Variants in IQCJ observed in about 807,000 individuals in gnomAD.
IQCJ encodes the protein IQ motif containing J, also known as IQ domain-containing protein J.
IQCJ carries 9 observed loss-of-function variants against 11.0 expected under a neutral mutation model. The ratio of observed to expected loss-of-function variants is 0.82; its 90% CI spans 0.49 to 1.43. IQCJ has a LOEUF of 1.43. Ranked by LOEUF, IQCJ falls within the 40% of genes most tolerant of loss-of-function variation. The pLI is 0.00. For synonymous variants in IQCJ, 55 were observed against 51.3 expected (o/e 1.07, Z -0.31); for missense variants, 146 against 133.2 (o/e 1.10, Z -0.47).
chr3:159,222,827 A>T (rs748601139), intron 1 of IQCJ, among the ~76,000 whole-genome samples: 3 of 152,088 alleles, frequency 2.0e-5, no homozygotes, highest in Non-Finnish European at 4.4e-5. Context: ...ACAATAAAAA[A>T]TTTTCTATAA....
At chr3:159,169,129 T>G (rs1036678561) in intron 1 of IQCJ, among the ~76,000 whole-genome samples, 1 of 152,168 alleles carries the variant, frequency 6.6e-6, no homozygotes, top group East Asian at 1.9e-4. Context: ...TGGTATTCCT[T>G]TCTTATAACT....
intron 1 of IQCJ, among the ~76,000 whole-genome samples, chr3:159,152,307 A>G (rs1469332764): frequency 1.3e-5 from 2 of 152,040 alleles, no homozygotes; most frequent in Non-Finnish European, 2.9e-5. Context: ...GTAAATATTG[A>G]GCTGAAAAAG....
chr3:159,262,009 G>C (rs1413190112), intron 3 of IQCJ, among the ~76,000 whole-genome samples: 1 of 152,154 alleles, frequency 6.6e-6, no homozygotes, highest in Non-Finnish European at 1.5e-5. Context: ...ACTGCATTTG[G>C]CCATGCAGAC....
intron 1 of IQCJ, among the ~76,000 whole-genome samples, chr3:159,102,186 T>C (rs1374989272): frequency 6.6e-6 from 1 of 152,252 alleles, no homozygotes; most frequent in African/African-American, 2.4e-5. Flanking sequence ...AATCTGCTTT[T>C]CATTTCAAAG....
chr3:159,125,835 C>A (rs571122973), intron 1 of IQCJ, among the ~76,000 whole-genome samples: 29 of 152,276 alleles, frequency 1.9e-4, no homozygotes, highest in South Asian at 4.1e-4. Flanking sequence ...TACAGGGGAC[C>A]AACCTGGGGC....
At chr3:159,236,673 C>T (rs532025798) in intron 1 of IQCJ, among the ~76,000 whole-genome samples, 1 of 152,306 alleles carries the variant, frequency 6.6e-6, no homozygotes, top group South Asian at 2.1e-4. Flanking sequence ...ATCAGAATCA[C>T]TTAATGTGGA....
chr3:159,189,201 G>C (rs1020980439), intron 1 of IQCJ, among the ~76,000 whole-genome samples: 2 of 152,098 alleles, frequency 1.3e-5, no homozygotes, highest in Middle Eastern at 3.2e-3. Context: ...TAGTGACTAC[G>C]GGTAACTTGC....
chr3:159,092,070 G>C (rs541422688), intron 1 of IQCJ, among the ~76,000 whole-genome samples: 1 of 151,866 alleles, frequency 6.6e-6, no homozygotes, highest in East Asian at 1.9e-4. Flanking sequence ...GGGGAAATGT[G>C]CCTCTACAGT....
intron 1 of IQCJ, among the ~76,000 whole-genome samples, chr3:159,133,937 A>G (rs1298523988): frequency 6.6e-6 from 1 of 151,696 alleles, no homozygotes. Context: ...CCAGTATGCA[A>G]TCAAGGTATC....
intron 1 of IQCJ, among the ~76,000 whole-genome samples, chr3:159,222,269 A>G (rs1725595591): frequency 6.6e-6 from 1 of 152,152 alleles, no homozygotes; most frequent in Non-Finnish European, 1.5e-5. Flanking sequence ...GAATGGATAA[A>G]GAAATTGTGT....
At chr3:159,095,167 C>G (rs1282760836) in intron 1 of IQCJ, among the ~76,000 whole-genome samples, 1 of 151,810 alleles carries the variant, frequency 6.6e-6, no homozygotes, top group Non-Finnish European at 1.5e-5. Context: ...TACCCTTATA[C>G]CTTAGAAGTT....
intron 2 of IQCJ, among the ~76,000 whole-genome samples, chr3:159,246,331 A>G (rs558870715): frequency 2.0e-5 from 3 of 152,212 alleles, no homozygotes; most frequent in African/African-American, 7.2e-5. Context: ...AAAAGAAGAG[A>G]TGAAATTGAA....
intron 1 of IQCJ, among the ~76,000 whole-genome samples, chr3:159,146,526 G>T (rs995703993): frequency 6.6e-6 from 1 of 152,120 alleles, no homozygotes; most frequent in African/African-American, 2.4e-5. Flanking sequence ...ACACGGGATT[G>T]GTTGCATAGA....
chr3:159,208,822 G>C (rs1724796638), intron 1 of IQCJ, among the ~76,000 whole-genome samples: 1 of 152,138 alleles, frequency 6.6e-6, no homozygotes, highest in Non-Finnish European at 1.5e-5. Flanking sequence ...TCCTGGATTA[G>C]GGAGTATTCT....
At chr3:159,154,855 T>A (rs1248056596) in intron 1 of IQCJ, among the ~76,000 whole-genome samples, 4 of 152,176 alleles carry the variant, frequency 2.6e-5, no homozygotes, top group African/African-American at 9.7e-5. Flanking sequence ...CATCGACTAC[T>A]TTTCTGATTT....
chr3:159,145,828 A>C (rs1188968410), intron 1 of IQCJ, among the ~76,000 whole-genome samples: 1 of 152,244 alleles, frequency 6.6e-6, no homozygotes, highest in African/African-American at 2.4e-5. Context: ...ATATAGGTCA[A>C]AGTGAGATGC....
chr3:159,185,855 G>A (rs977509854), intron 1 of IQCJ, among the ~76,000 whole-genome samples: 1 of 152,124 alleles, frequency 6.6e-6, no homozygotes, highest in African/African-American at 2.4e-5. Context: ...CCAGGAGGAG[G>A]CCACAAGCAT....
At chr3:159,195,689 G>A (rs140079821) in intron 1 of IQCJ, among the ~76,000 whole-genome samples, 7 of 152,272 alleles carry the variant, frequency 4.6e-5, no homozygotes, top group Admixed American at 2.0e-4. Flanking sequence ...TCAGCATCCT[G>A]GTATAGACCA....
chr3:159,245,978 T>C, intron 2 of IQCJ, 71 bp downstream of exon 2: 1 of 1,176,908 alleles, frequency 8.5e-7, no homozygotes, highest in African/African-American at 1.6e-5. Flanking sequence ...ATCTTTCTGG[T>C]AAAAATAAGT....
Sources: gnomAD v4.1 joint callset for allele counts (sites outside exome capture counted in the v4.1 genomes callset) on GRCh38, gnomAD v4.1.1 for gene constraint, MANE v1.5 for transcripts, NCBI Gene and HGNC (gene_info 2026-07-23, HGNC 2026-07-21) for gene names.